FHIP1A: variants seen among roughly 807,000 people sequenced by gnomAD.
FHIP1A encodes the protein FHF complex subunit HOOK-interacting protein 1A.
A neutral mutation model predicts 88.6 loss-of-function variants in FHIP1A; 61 were observed. That is an observed-to-expected ratio of 0.69 (90% CI 0.56 to 0.85). FHIP1A has a LOEUF of 0.85. Among genes scored for constraint, FHIP1A ranks in the 40% least tolerant of loss-of-function variants. FHIP1A has a pLI of 0.00. For synonymous variants in FHIP1A, 478 were observed against 496.0 expected, an observed-to-expected ratio of 0.96 and a Z score of 0.48; for missense variants, 1,154 against 1,273.5, an observed-to-expected ratio of 0.91 and a Z score of 1.43.
intron 7 of FHIP1A, among the ~76,000 whole-genome samples, chr4:151,594,896 C>T (rs923925233): frequency 2.0e-5 from 3 of 152,074 alleles, no homozygotes; most frequent in African/African-American, 7.2e-5. Flanking sequence ...TTTATTGTGT[C>T]TATTTGATTC....
At chr4:151,448,652 A>G (rs1273211618) in intron 1 of FHIP1A, among the ~76,000 whole-genome samples, 1 of 152,178 alleles carries the variant, frequency 6.6e-6, no homozygotes, top group East Asian at 1.9e-4. Context: ...TTCCTTCTTG[A>G]TGCTGAATAC....
rs150337297 is a variant in FHIP1A at position 151,622,684 on chromosome 4, C to T, written c.979-7018C>T. 5.8e-3 allele frequency among the ~76,000 whole-genome samples: 879 copies of T among 152,014 alleles called. 5 individuals carry two copies. Among genetic ancestry groups the T allele is most frequent in the African/African-American group, 0.019 (802 of 41,454 alleles). The stretch of plus-strand genomic sequence containing the variant: ...GTTTTTATTGTTTCTTAAATTGTAA[C>T]CAAGAAGTTTGAATCAAAAAAGGAC... On this transcript the variant is annotated intron_variant, in intron 7 of 13. Transcript: ENST00000435205.
intron 11 of FHIP1A, among the ~76,000 whole-genome samples, chr4:151,651,182 C>T (rs1207907696): frequency 2.0e-5 from 3 of 152,144 alleles, no homozygotes; most frequent in Admixed American, 1.3e-4. Context: ...AGTGGACCCA[C>T]GTCAACTAAT....
intron 7 of FHIP1A, among the ~76,000 whole-genome samples, chr4:151,592,275 C>T (rs1287705160): frequency 3.3e-5 from 5 of 152,142 alleles, no homozygotes; most frequent in Non-Finnish European, 7.3e-5. Flanking sequence ...GCTGGGACCA[C>T]AGGCGCCCGC....
At chr4:151,652,047 A>G (rs1468024449) in intron 11 of FHIP1A, among the ~76,000 whole-genome samples, 2 of 152,230 alleles carry the variant, frequency 1.3e-5, no homozygotes, top group Admixed American at 1.3e-4. Flanking sequence ...GCCTTCTCAT[A>G]GGACATCTGG....
At chr4:151,453,132 T>C (rs1468097001) in intron 1 of FHIP1A, among the ~76,000 whole-genome samples, 1 of 151,898 alleles carries the variant, frequency 6.6e-6, no homozygotes, top group Non-Finnish European at 1.5e-5. Context: ...TTCTCTTGTC[T>C]CAGCCTCCCG....
intron 1 of FHIP1A, among the ~76,000 whole-genome samples, chr4:151,443,802 G>T (rs1026601525): frequency 6.6e-6 from 1 of 151,360 alleles, no homozygotes; most frequent in South Asian, 2.1e-4. Flanking sequence ...TGAGGTATCA[G>T]AATTCGCATC....
chr4:151,524,484 G>A (rs1731559235), intron 3 of FHIP1A, among the ~76,000 whole-genome samples: 1 of 152,040 alleles, frequency 6.6e-6, no homozygotes, highest in South Asian at 2.1e-4. Context: ...GACTGGTATC[G>A]AAGTGTCTAG....
intron 1 of FHIP1A, among the ~76,000 whole-genome samples, chr4:151,438,651 C>T (rs1191389858): frequency 7.7e-6 from 1 of 129,876 alleles, no homozygotes; most frequent in Non-Finnish European, 1.6e-5. Context: ...TACTTTTCAC[C>T]AACCTAATAG....
chr4:151,508,001 T>A (rs2126673162), intron 3 of FHIP1A, among the ~76,000 whole-genome samples: 1 of 152,268 alleles, frequency 6.6e-6, no homozygotes, highest in African/African-American at 2.4e-5. Context: ...GAATATAGAA[T>A]GAAAACTGAA....
At chr4:151,471,117 A>G (rs1382664107) in intron 2 of FHIP1A, among the ~76,000 whole-genome samples, 2 of 152,078 alleles carry the variant, frequency 1.3e-5, no homozygotes, top group African/African-American at 4.8e-5. Context: ...TTGGTTCAGG[A>G]ACTCCAGGGC....
At position 151,467,536 on chromosome 4, in the gene FHIP1A, C is replaced by T. The variant is rs185268836; in HGVS notation, c.-248+12728C>T. 3.9e-3 allele frequency among the ~76,000 whole-genome samples: 595 copies of T among 152,156 alleles called. 3 individuals carry two copies. Among genetic ancestry groups the T allele is most frequent in the African/African-American group, 0.014 (571 of 41,518 alleles). ...AGATACATGCACACATATGTTTACT[C>T]CAGCACTGTTTACAATAGCAAAGAC... On this transcript the variant is annotated intron_variant, in intron 2 of 13. Coordinates refer to ENST00000435205, the MANE Select transcript of FHIP1A (RefSeq NM_001109977.3).
intron 11 of FHIP1A, among the ~76,000 whole-genome samples, chr4:151,651,461 G>A (rs903780090): frequency 1.3e-5 from 2 of 152,220 alleles, no homozygotes; most frequent in African/African-American, 2.4e-5. Context: ...GAGAGGGGCT[G>A]GAAGATAGTA....
At chr4:151,487,812 T>C (rs1730141909) in intron 3 of FHIP1A, among the ~76,000 whole-genome samples, 1 of 152,328 alleles carries the variant, frequency 6.6e-6, no homozygotes, top group East Asian at 1.9e-4. Context: ...ACAAAAGGAT[T>C]AATTAATGGA....
rs547641009 is a variant in FHIP1A at position 151,530,937 on chromosome 4, A to T, written c.-122-35201A>T. Reference sequence around the variant, plus strand: ...TAATAATAATCAGGATAATTGCCACATTTCTTTCTAGGGCTGTCAATGCTT... The same window carrying T: ...TAATAATAATCAGGATAATTGCCACTTTTCTTTCTAGGGCTGTCAATGCTT... On this transcript the variant is annotated intron_variant, in intron 3 of 13. Coordinates refer to ENST00000435205, the MANE Select transcript of FHIP1A (RefSeq NM_001109977.3). Among the ~76,000 whole-genome samples, 254 of 79,570 alleles carry T rather than the reference A, an allele frequency of 3.2e-3. 1 individual carries two copies. In the African/African-American group the frequency reaches 0.035, roughly 11 times the overall value. The allele number at this position is 79,570 out of a possible 152,430, so 52.2% of individuals were successfully genotyped here.
intron 3 of FHIP1A, among the ~76,000 whole-genome samples, chr4:151,537,094 C>T (rs1177756296): frequency 6.6e-6 from 1 of 151,908 alleles, no homozygotes; most frequent in African/African-American, 2.4e-5. Flanking sequence ...CCCAGGCTGG[C>T]CTTGAACTCC....
intron 5 of FHIP1A, among the ~76,000 whole-genome samples, chr4:151,586,302 T>C (rs1364108385): frequency 3.9e-5 from 6 of 152,190 alleles, no homozygotes. Context: ...CCTGAACTTC[T>C]TGAGGCCAGA....
intron 1 of FHIP1A, among the ~76,000 whole-genome samples, chr4:151,432,225 T>C (rs1214642408): frequency 6.6e-6 from 1 of 152,206 alleles, no homozygotes; most frequent in Non-Finnish European, 1.5e-5. Flanking sequence ...GATCACCAAC[T>C]CACAGAGCTT....
chr4:151,449,294 A>T (rs982058671), intron 1 of FHIP1A, among the ~76,000 whole-genome samples: 3 of 152,128 alleles, frequency 2.0e-5, no homozygotes, highest in Non-Finnish European at 4.4e-5. Context: ...TTGTAACCTC[A>T]GTTACACATG....
Sources: gnomAD v4.1 joint callset for allele counts (sites outside exome capture counted in the v4.1 genomes callset) on GRCh38, gnomAD v4.1.1 for gene constraint, MANE v1.5 for transcripts, NCBI Gene and HGNC (gene_info 2026-07-23, HGNC 2026-07-21) for gene names.